DISC1: variants seen among roughly 807,000 people sequenced by gnomAD.
DISC1 encodes the protein DISC1 scaffold protein.
Under a neutral mutation model 84.5 loss-of-function variants are expected in DISC1, and 57 were observed. The observed-to-expected ratio is 0.67, with a 90% CI of 0.55 to 0.84. DISC1 has a LOEUF of 0.84. Among genes scored for constraint, DISC1 ranks in the 40% least tolerant of loss-of-function variants. The probability of loss-of-function intolerance (pLI) is 0.00; values close to 1 mark genes in which losing one functional copy is unlikely to be tolerated. For missense variants in DISC1, 1,000 were observed against 1,057.8 expected (o/e 0.95, Z 0.76); for synonymous variants, 411 against 415.2 (o/e 0.99, Z 0.12).
chr1:232,002,188 C>A (rs1157067005), intron 10 of DISC1, among the ~76,000 whole-genome samples: 1 of 151,926 alleles, frequency 6.6e-6, no homozygotes, highest in Non-Finnish European at 1.5e-5. Context: ...ACATTACACA[C>A]CTCTCAGAAT....
chr1:231,846,956 A>T (rs1290218473), intron 9 of DISC1, among the ~76,000 whole-genome samples: 2 of 152,232 alleles, frequency 1.3e-5, no homozygotes, highest in Non-Finnish European at 2.9e-5. Flanking sequence ...TTATAAGAAC[A>T]TGTACCAATT....
intron 4 of DISC1, among the ~76,000 whole-genome samples, chr1:231,757,898 C>A (rs112027981): frequency 2.0e-3 from 304 of 152,042 alleles, no homozygotes; most frequent in African/African-American, 6.9e-3. Flanking sequence ...CTCCGATTCC[C>A]TCCACAACTG....
At chr1:231,832,362 G>A (rs545623981) in intron 9 of DISC1, among the ~76,000 whole-genome samples, 1 of 151,430 alleles carries the variant, frequency 6.6e-6, no homozygotes, top group Non-Finnish European at 1.5e-5. Flanking sequence ...TACAGGGTGC[G>A]GTCCTGGCTC....
chr1:231,782,658 C>T (rs1208284682), intron 6 of DISC1, among the ~76,000 whole-genome samples: 1 of 152,060 alleles, frequency 6.6e-6, no homozygotes, highest in Admixed American at 6.6e-5. Flanking sequence ...ATGCAAATGG[C>T]TGGGCACAGT....
intron 9 of DISC1, among the ~76,000 whole-genome samples, chr1:231,931,112 A>G (rs2090629788): frequency 6.6e-6 from 1 of 152,158 alleles, no homozygotes; most frequent in African/African-American, 2.4e-5. Flanking sequence ...TCCTGGGGTC[A>G]TGTTTAGTCC....
intron 1 of DISC1, among the ~76,000 whole-genome samples, chr1:231,631,471 T>TGGGA (rs1176413052): frequency 1.3e-5 from 2 of 152,178 alleles, no homozygotes; most frequent in African/African-American, 4.8e-5. Context: ...TAGGAGATGA[T>TGGGA]GGCTCCATGC....
At chr1:231,890,241 G>A (rs1309540820) in intron 9 of DISC1, among the ~76,000 whole-genome samples, 1 of 152,092 alleles carries the variant, frequency 6.6e-6, no homozygotes, top group Non-Finnish European at 1.5e-5. Flanking sequence ...TGCCTTCTAT[G>A]GCTCTGATCG....
At chr1:231,731,119 A>G (rs1271395562) in intron 3 of DISC1, among the ~76,000 whole-genome samples, 1 of 152,254 alleles carries the variant, frequency 6.6e-6, no homozygotes, top group Non-Finnish European at 1.5e-5. Context: ...TTAAGGATTA[A>G]GAAAGAACCT....
chr1:231,712,825 C>T (rs1473483148), intron 3 of DISC1, among the ~76,000 whole-genome samples: 1 of 152,176 alleles, frequency 6.6e-6, no homozygotes, highest in African/African-American at 2.4e-5. Flanking sequence ...CTGCAAAAAC[C>T]TGGGGCAAAA....
At chr1:231,863,219 T>C (rs2084800741) in intron 9 of DISC1, among the ~76,000 whole-genome samples, 1 of 82,998 alleles carries the variant, frequency 1.2e-5, no homozygotes. Flanking sequence ...TATAAAATGT[T>C]CTTTTTTTTT....
chr1:231,950,963 CTG>C (rs1180286668), intron 9 of DISC1, among the ~76,000 whole-genome samples: 1 of 152,184 alleles, frequency 6.6e-6, no homozygotes, highest in African/African-American at 2.4e-5. Flanking sequence ...GCAGAACTCT[CTG>C]AGGGTGGTGA....
chr1:231,647,061 A>G (rs1021479016), intron 1 of DISC1, among the ~76,000 whole-genome samples: 2 of 152,156 alleles, frequency 1.3e-5, no homozygotes, highest in Non-Finnish European at 2.9e-5. Context: ...GAAGCTCTTT[A>G]GTTTAATTAG....
intron 4 of DISC1, among the ~76,000 whole-genome samples, chr1:231,762,064 C>T (rs2075709400): frequency 6.6e-6 from 1 of 152,048 alleles, no homozygotes; most frequent in African/African-American, 2.4e-5. Context: ...TATCCTCAGA[C>T]ACATTTTATC....
intron 10 of DISC1, among the ~76,000 whole-genome samples, chr1:231,997,961 T>C (rs924327651): frequency 2.0e-5 from 3 of 149,962 alleles, no homozygotes; most frequent in Non-Finnish European, 4.4e-5. Flanking sequence ...TAAAACCTGA[T>C]GAAGCATGGT....
intron 11 of DISC1, among the ~76,000 whole-genome samples, chr1:232,014,253 C>T (rs1668282077): frequency 6.6e-6 from 1 of 152,150 alleles, no homozygotes; most frequent in Non-Finnish European, 1.5e-5. Context: ...CTTACTGGCC[C>T]TGGGACAGCT....
chr1:231,918,528 A>C (rs563078171), intron 9 of DISC1, among the ~76,000 whole-genome samples: 1 of 152,356 alleles, frequency 6.6e-6, no homozygotes, highest in African/African-American at 2.4e-5. Context: ...GCCTGTGTGC[A>C]TACAACATGT....
Position 231,826,224 on chromosome 1 carries a change from C to A in DISC1, c.1981+7707C>A, listed in dbSNP as rs1386805661. 6.6e-6 allele frequency among the ~76,000 whole-genome samples: 1 copy of A among 152,186 alleles called. No individual in the cohort carries two copies. Among genetic ancestry groups the A allele is most frequent in the East Asian group, 1.9e-4 (1 of 5,200 alleles). ...ATCCTGTCACAGAGCCTTCAGGGGG[C>A]AAGGCCACCATCTGAATCCCTCTTA... On this transcript the variant is annotated intron_variant, in intron 9 of 12. Coordinates refer to ENST00000439617, the MANE Select transcript of DISC1 (RefSeq NM_018662.3). The surrounding 1 kb of genome is among the most constrained non-coding windows in gnomAD (Gnocchi z 4.2).
At chr1:231,819,001 C>A (rs932187432) in intron 9 of DISC1, 8 of 995,494 alleles carry the variant, frequency 8.0e-6, no homozygotes, top group Non-Finnish European at 2.4e-6. Context: ...GATGTGAATG[C>A]CGCCTTAGCC....
At chr1:232,008,419 A>G (rs545137427) in intron 10 of DISC1, among the ~76,000 whole-genome samples, 1 of 152,202 alleles carries the variant, frequency 6.6e-6, no homozygotes, top group Non-Finnish European at 1.5e-5. Context: ...GAATGGACAG[A>G]GAGAGTTGAT....
Sources: allele counts gnomAD v4.1 joint callset (sites outside exome capture counted in the v4.1 genomes callset), GRCh38; gene constraint gnomAD v4.1.1; non-coding constraint Gnocchi (gnomAD v3.1); transcripts MANE v1.5; gene names NCBI Gene and HGNC (gene_info 2026-07-23, HGNC 2026-07-21).